The following SPOCK3 variants were observed in gnomAD, a reference collection of about 807,000 sequenced individuals.
The protein encoded by SPOCK3 is SPARC (osteonectin), cwcv and kazal like domains proteoglycan 3.
A neutral mutation model predicts 56.6 loss-of-function variants in SPOCK3; 30 were observed. The ratio of observed to expected loss-of-function variants is 0.53; its 90% CI spans 0.40 to 0.72. The LOEUF (loss-of-function observed/expected upper bound fraction) is 0.72, where lower values mean the gene tolerates loss of function less well. SPOCK3 is among the 30% of genes least tolerant of loss of function. The probability of loss-of-function intolerance (pLI) is 0.00; values close to 1 mark genes in which losing one functional copy is unlikely to be tolerated. For missense variants in SPOCK3, 527 were observed against 530.0 expected, an observed-to-expected ratio of 0.99 and a Z score of 0.06; for synonymous variants, 196 against 183.3, an observed-to-expected ratio of 1.07 and a Z score of -0.56.
In SPOCK3 at chr4:167,201,985, G is replaced by T. The variant is rs140887240; in HGVS notation, c.189+32000C>A. ...GTTCTTCACCTTTGTTCACCTTCATGACATTTAATTTATAGACCAGAATTT... is the reference window on the plus strand; with the variant it reads ...GTTCTTCACCTTTGTTCACCTTCATTACATTTAATTTATAGACCAGAATTT... On this transcript the variant is annotated intron_variant, in intron 2 of 10. Coordinates refer to ENST00000357545, the MANE Select transcript of SPOCK3 (RefSeq NM_001040159.2). Among the ~76,000 whole-genome samples, 591 of 151,946 alleles carry T rather than the reference G, an allele frequency of 3.9e-3. 2 individuals are homozygous for T. The highest frequency in any genetic ancestry group is 6.8e-3 in the Non-Finnish European group (462 of 67,852).
chr4:166,968,572 C>T (rs189404598), intron 4 of SPOCK3, among the ~76,000 whole-genome samples: 1 of 152,322 alleles, frequency 6.6e-6, no homozygotes, highest in Non-Finnish European at 1.5e-5. Context: ...TTGGTGGCTT[C>T]CATGTGATGT....
chr4:167,041,886 GTATT>G (rs1753263488), intron 3 of SPOCK3, among the ~76,000 whole-genome samples: 1 of 151,956 alleles, frequency 6.6e-6, no homozygotes, highest in African/African-American at 2.4e-5. Flanking sequence ...ACAATTTTAT[GTATT>G]AATTACAAAT....
At chr4:166,902,315 C>T (rs868732853) in intron 5 of SPOCK3, among the ~76,000 whole-genome samples, 4 of 151,900 alleles carry the variant, frequency 2.6e-5, no homozygotes, top group Non-Finnish European at 5.9e-5. Context: ...TTTACTGTAA[C>T]GTGTCTAGAC....
chr4:167,052,813 G>T (rs146310448), intron 3 of SPOCK3, among the ~76,000 whole-genome samples: 3 of 152,258 alleles, frequency 2.0e-5, no homozygotes, highest in East Asian at 1.9e-4. Context: ...AAAGGCATCT[G>T]GGAGACAGCC....
intron 6 of SPOCK3, among the ~76,000 whole-genome samples, chr4:166,888,806 G>T (rs975545713): frequency 2.7e-5 from 4 of 150,682 alleles, no homozygotes; most frequent in African/African-American, 9.7e-5. Flanking sequence ...TCAGTTTTCT[G>T]CTCTAAAAGA....
At chr4:166,844,197 C>T (rs897135091) in intron 6 of SPOCK3, among the ~76,000 whole-genome samples, 10 of 152,204 alleles carry the variant, frequency 6.6e-5, no homozygotes, top group African/African-American at 2.4e-4. Context: ...ACCAGAATGG[C>T]TACCTGAGTT....
intron 8 of SPOCK3, among the ~76,000 whole-genome samples, chr4:166,746,296 A>G (rs1735605078): frequency 6.6e-6 from 1 of 152,232 alleles, no homozygotes; most frequent in Non-Finnish European, 1.5e-5. Context: ...ACTGTCTCTC[A>G]GACCACAGTG....
chr4:166,955,416 T>A (rs966850629), intron 4 of SPOCK3, among the ~76,000 whole-genome samples: 2 of 149,094 alleles, frequency 1.3e-5, no homozygotes, highest in African/African-American at 4.9e-5. Context: ...CTCATCAGCA[T>A]AGTTTTGAAT....
intron 2 of SPOCK3, among the ~76,000 whole-genome samples, chr4:167,212,769 A>G (rs1735006332): frequency 1.3e-5 from 2 of 152,216 alleles, no homozygotes; most frequent in African/African-American, 4.8e-5. Context: ...TTCAAAATAC[A>G]TTTAGAGTCA....
At chr4:167,207,458 T>C (rs985925393) in intron 2 of SPOCK3, among the ~76,000 whole-genome samples, 1 of 152,114 alleles carries the variant, frequency 6.6e-6, no homozygotes, top group African/African-American at 2.4e-5. Context: ...AATTACTACA[T>C]CATATGTCAT....
intron 5 of SPOCK3, among the ~76,000 whole-genome samples, chr4:166,899,631 C>G (rs1024765932): frequency 6.6e-6 from 1 of 151,850 alleles, no homozygotes; most frequent in East Asian, 1.9e-4. Context: ...CTCAGCCTCC[C>G]TCAGCCTCCT....
chr4:167,150,333 T>C (rs1383737986), intron 2 of SPOCK3, among the ~76,000 whole-genome samples: 1 of 152,100 alleles, frequency 6.6e-6, no homozygotes, highest in African/African-American at 2.4e-5. Context: ...ATACTTTAAA[T>C]ACTAGAGGAG....
At chr4:167,121,095 G>T (rs1431203616) in intron 2 of SPOCK3, among the ~76,000 whole-genome samples, 1 of 151,526 alleles carries the variant, frequency 6.6e-6, no homozygotes, top group Non-Finnish European at 1.5e-5. Context: ...TAACCTGGGT[G>T]TTTTTTTAAA....
At chr4:167,047,678 A>G (rs896024202) in intron 3 of SPOCK3, among the ~76,000 whole-genome samples, 4 of 152,204 alleles carry the variant, frequency 2.6e-5, no homozygotes, top group African/African-American at 9.7e-5. Flanking sequence ...ATTTGTCTTC[A>G]CTGGGGATTC....
At position 166,754,810 on chromosome 4, in the gene SPOCK3, T is replaced by C. The variant is rs577674276; in HGVS notation, c.710-81A>G. 3.1e-5 allele frequency: 39 copies of C among 1,263,166 alleles called. No homozygotes were observed. In the African/African-American group the frequency reaches 4.9e-4, roughly 16 times the overall value. 78.2% of individuals were successfully genotyped at this position (1,263,166 alleles called of 1,614,324 possible). On this transcript the variant is annotated intron_variant, in intron 7 of 10. Coordinates refer to ENST00000357545, the MANE Select transcript of SPOCK3 (RefSeq NM_001040159.2). Reference sequence around the variant, plus strand: ...AAGCAAAATAAGTCAACATAGCAGGTAGCTAGTGTAGGACATCTAATGAAT... The same window carrying C: ...AAGCAAAATAAGTCAACATAGCAGGCAGCTAGTGTAGGACATCTAATGAAT...
intron 2 of SPOCK3, among the ~76,000 whole-genome samples, chr4:167,162,454 A>G (rs746889142): frequency 2.6e-5 from 4 of 152,116 alleles, no homozygotes; most frequent in Non-Finnish European, 5.9e-5. Flanking sequence ...CACTAGCCCC[A>G]TGTACTTACT....
intron 7 of SPOCK3, among the ~76,000 whole-genome samples, chr4:166,781,762 G>C (rs998707375): frequency 1.3e-5 from 2 of 151,892 alleles, no homozygotes; most frequent in African/African-American, 4.8e-5. Flanking sequence ...GAGTGATGAG[G>C]AGAAACATCT....
chr4:167,185,625 GA>G (rs1731879313), intron 2 of SPOCK3, among the ~76,000 whole-genome samples: 2 of 152,184 alleles, frequency 1.3e-5, no homozygotes, highest in South Asian at 4.1e-4. Context: ...AGCTGATTAG[GA>G]AAATACAGTC....
intron 2 of SPOCK3, among the ~76,000 whole-genome samples, chr4:167,189,312 T>C (rs1468926671): frequency 6.8e-6 from 1 of 146,042 alleles, no homozygotes; most frequent in Non-Finnish European, 1.5e-5. Flanking sequence ...AATCAATTAA[T>C]ATACCATATC....
Sources: gnomAD v4.1 joint callset for allele counts (sites outside exome capture counted in the v4.1 genomes callset) on GRCh38, gnomAD v4.1.1 for gene constraint, MANE v1.5 for transcripts, NCBI Gene and HGNC (gene_info 2026-07-23, HGNC 2026-07-21) for gene names.